ZXDC: variants seen among roughly 807,000 people sequenced by gnomAD.
ZXDC encodes the protein ZXD family zinc finger C, also known as zinc finger protein ZXDC.
ZXDC carries 58 observed loss-of-function variants against 63.6 expected under a neutral mutation model. That is an observed-to-expected ratio of 0.91 (90% CI 0.74 to 1.13). The LOEUF is 1.13. Ranked by LOEUF, ZXDC falls within the 50% of genes most tolerant of loss-of-function variation. ZXDC has a pLI of 0.00. For missense variants in ZXDC, 1,133 were observed against 1,148.9 expected, an observed-to-expected ratio of 0.99 and a Z score of 0.20; for synonymous variants, 561 against 496.1, an observed-to-expected ratio of 1.13 and a Z score of -1.74.
At chr3:126,439,972 C>T in intron 8 of ZXDC, 1 of 1,376,982 alleles carries the variant, frequency 7.3e-7, no homozygotes. Context: ...ACCTTCTGCT[C>T]TCCAGCTCCT....
intron 8 of ZXDC, 81 bp downstream of exon 8, chr3:126,441,684 G>A: frequency 6.9e-7 from 1 of 1,454,848 alleles, no homozygotes. Context: ...GGCAGGGGAT[G>A]CAGCATGCCG....
chr3:126,451,873 G>A, intron 7 of ZXDC: 1 of 985,026 alleles, frequency 1.0e-6, no homozygotes, highest in Non-Finnish European at 1.2e-6. Context: ...TTGATGGCAG[G>A]TCTCCACCTC....
chr3:126,450,379 G>C (rs1934052464), intron 7 of ZXDC: 2 of 456,620 alleles, frequency 4.4e-6, no homozygotes, highest in Admixed American at 4.7e-5. Context: ...CCCCGGCTTA[G>C]AGATCCACGC....
chr3:126,440,075 TTG>T (rs1933618174), intron 8 of ZXDC: 1 of 1,093,152 alleles, frequency 9.1e-7, no homozygotes, highest in Non-Finnish European at 1.1e-6. Context: ...CCCACCAACC[TTG>T]TGTACCCAGA....
chr3:126,454,063 TA>T (rs140622758), intron 7 of ZXDC: 106 of 631,778 alleles, frequency 1.7e-4, no homozygotes, highest in East Asian at 5.6e-4. Context: ...TATATATATA[TA>T]TTTTTTTTTT....
Position 126,466,345 on chromosome 3 carries a change from G to C in ZXDC, c.1271-20C>G, listed in dbSNP as rs1283130677. 6.2e-7 allele frequency: 1 copy of C among 1,613,904 alleles called. No individual in the cohort carries two copies. Among genetic ancestry groups the C allele is most frequent in the Non-Finnish European group, 8.5e-7 (1 of 1,179,994 alleles). On this transcript the variant is annotated intron_variant, in intron 4 of 9. Transcript: ENST00000389709. ...AACATCCTGGAACAAAAAGAGTAAT[G>C]AGAGTGAAACCCAAGGATCACCAAG...
At chr3:126,452,282 CACAATTGTCCTGGAACCTG>C (rs1934138055) in intron 7 of ZXDC, 1 of 985,346 alleles carries the variant, frequency 1.0e-6, no homozygotes, top group African/African-American at 1.7e-5. Flanking sequence ...TAGCTTCTTA[CACAATTGTCCTGGAACCTG>C]CTTGGACTTC....
At chr3:126,446,130 C>T (rs781154287) in intron 7 of ZXDC, among the ~76,000 whole-genome samples, 3 of 152,200 alleles carry the variant, frequency 2.0e-5, no homozygotes, top group Admixed American at 6.5e-5. Context: ...AACAAGGTAA[C>T]AACACCGAAC....
intron 4 of ZXDC, among the ~76,000 whole-genome samples, chr3:126,468,899 C>G (rs923998786): frequency 6.6e-6 from 1 of 152,206 alleles, no homozygotes; most frequent in South Asian, 2.1e-4. Flanking sequence ...AGTACCCGTC[C>G]CAGCCACTCC....
At chr3:126,464,258 T>A (rs1383894277) in intron 5 of ZXDC, among the ~76,000 whole-genome samples, 1 of 152,234 alleles carries the variant, frequency 6.6e-6, no homozygotes, top group Non-Finnish European at 1.5e-5. Flanking sequence ...TAGCAGAGCA[T>A]CTGGCAAAAC....
chr3:126,470,923 G>A lies in ZXDC; in HGVS notation c.1242C>T (p.Gly414=). 6.2e-7 allele frequency: 1 copy of A among 1,614,216 alleles called. No individual in the cohort carries two copies. The highest frequency in any genetic ancestry group is 1.1e-5 in the South Asian group (1 of 91,080). ...CCACAGGACACTCGAACGGCTTTGTGCCTAGGTGGGTTATGCTGTGGCCTT... is the reference window on the plus strand; with the variant it reads ...CCACAGGACACTCGAACGGCTTTGTACCTAGGTGGGTTATGCTGTGGCCTT... The part of the protein sequence containing the change: ...HLKGHSITHL[G]TKPFECPVEG... The change falls in exon 4 of 10, where the codon GGC becomes GGT. Residue 414 remains glycine (G), a synonymous_variant. Coordinates refer to ENST00000389709, the MANE Select transcript of ZXDC (RefSeq NM_025112.5).
chr3:126,473,031 G>C (rs764934462), intron 1 of ZXDC, among the ~76,000 whole-genome samples: 2 of 152,194 alleles, frequency 1.3e-5, no homozygotes, highest in Non-Finnish European at 2.9e-5. Context: ...CCTTTAACGA[G>C]ATACTATCAT....
At chr3:126,439,571 T>C (rs575551238) in intron 9 of ZXDC, 61 bp downstream of exon 9, 10 of 1,550,658 alleles carry the variant, frequency 6.4e-6, no homozygotes, top group African/African-American at 1.4e-5. Flanking sequence ...GCCAGGCTTC[T>C]GGAAGTCGAA....
intron 6 of ZXDC, chr3:126,460,091 C>T (rs931408784): frequency 1.1e-4 from 110 of 985,292 alleles, no homozygotes; most frequent in Middle Eastern, 5.2e-4. Context: ...GTCACCTTAC[C>T]GCGACACTTT....
chr3:126,475,362 G>A lies in ZXDC; in HGVS notation c.504C>T (p.Ser168=), dbSNP rs1405657346. The change falls in exon 1 of 10, where the codon TCC becomes TCT. Residue 168 remains serine, a synonymous_variant. Coordinates refer to ENST00000389709, the MANE Select transcript of ZXDC (RefSeq NM_025112.5). Reference sequence around the variant, plus strand: ...AGCGGTAGCCGGGCGTGCTGGGGCCGGAGGCCTGGGGCGCGCGGCGGGGAG... The same window carrying A: ...AGCGGTAGCCGGGCGTGCTGGGGCCAGAGGCCTGGGGCGCGCGGCGGGGAG... The part of the protein sequence containing the change: ...AAAPRRAPQA[S]GPSTPGYRCP... 4.7e-6 allele frequency: 6 copies of A among 1,275,274 alleles called. No individual in the cohort carries two copies. The highest frequency in any genetic ancestry group is 3.1e-5 in the East Asian group (1 of 31,964). The allele number at this position is 1,275,274 out of a possible 1,614,324, so 79.0% of individuals were successfully genotyped here. A position where few individuals can be genotyped will look rare whatever the true frequency, so the allele number is the denominator to read the frequency against.
chr3:126,462,679 C>A (rs1364958377), intron 5 of ZXDC, among the ~76,000 whole-genome samples: 1 of 152,172 alleles, frequency 6.6e-6, no homozygotes, highest in African/African-American at 2.4e-5. Flanking sequence ...TGCTAGCTGG[C>A]CTGTGCTCTG....
At chr3:126,440,949 T>C in intron 8 of ZXDC, 1 of 985,540 alleles carries the variant, frequency 1.0e-6, no homozygotes, top group South Asian at 4.7e-5. Context: ...ACCTCCACCC[T>C]CCGCACTTCC....
At chr3:126,444,343 T>C (rs185789047) in intron 7 of ZXDC, among the ~76,000 whole-genome samples, 272 of 152,256 alleles carry the variant, frequency 1.8e-3, no homozygotes, top group African/African-American at 6.0e-3. Flanking sequence ...CCATCCTGGC[T>C]AACACGGTGA....
At chr3:126,463,364 T>G (rs184609841) in intron 5 of ZXDC, among the ~76,000 whole-genome samples, 29 of 152,314 alleles carry the variant, frequency 1.9e-4, no homozygotes, top group African/African-American at 6.3e-4. Flanking sequence ...CCACCACGCC[T>G]GCAGCATGTC....
Sources: allele counts gnomAD v4.1 joint callset (sites outside exome capture counted in the v4.1 genomes callset), GRCh38; gene constraint gnomAD v4.1.1; transcripts MANE v1.5; gene names NCBI Gene and HGNC (gene_info 2026-07-23, HGNC 2026-07-21).